PXN: variants seen among roughly 807,000 people sequenced by gnomAD.
PXN encodes the protein paxillin.
Under a neutral mutation model 103.6 loss-of-function variants are expected in PXN, and 61 were observed. That is an observed-to-expected ratio of 0.59 (90% CI 0.48 to 0.73). The LOEUF (loss-of-function observed/expected upper bound fraction) is 0.73. Ranked by LOEUF, PXN falls within the 30% of genes least tolerant of loss-of-function variation. The probability of loss-of-function intolerance (pLI) is 0.00; values close to 1 mark genes in which losing one functional copy is unlikely to be tolerated. For synonymous variants in PXN, 562 were observed against 607.8 expected, an observed-to-expected ratio of 0.92 and a Z score of 1.11; for missense variants, 1,274 against 1,460.3, an observed-to-expected ratio of 0.87 and a Z score of 2.08.
intron 1 of PXN, among the ~76,000 whole-genome samples, chr12:120,237,424 A>C (rs1351594415): frequency 6.6e-6 from 1 of 152,146 alleles, no homozygotes; most frequent in African/African-American, 2.4e-5. Context: ...AATAAACTGA[A>C]GTGGGTTCAA....
Position 120,214,185 on chromosome 12 carries a change from G to C in PXN, c.2781C>G (p.His927Gln). The C allele has an allele frequency of 1.9e-6, 3 of 1,552,130 alleles. No individual in the cohort carries two copies. The change falls in exon 13 of 15, where the codon CAC becomes CAG. Residue 927 changes from histidine (H) to glutamine (Q), a missense_variant. Around this residue, in one of 2 missense-constraint regions of PXN, gnomAD observed 1,178 missense variants for 1,309.0 expected, o/e 0.90. Transcript: ENST00000637617. This position sits in a 1 kb window ranked among gnomAD's most constrained non-coding sequence, Gnocchi z 5.0. ...KVVTALDRTW[H>Q]PEHFFCAQCG... ...ACTGTGCACAGAAGAAGTGTTCAGG[G>C]TGCCACGTCCGGTCAAGGGCTGTCA...
At chr12:120,236,536 G>A (rs1470203216) in intron 1 of PXN, among the ~76,000 whole-genome samples, 1 of 149,046 alleles carries the variant, frequency 6.7e-6, no homozygotes, top group Non-Finnish European at 1.5e-5. Flanking sequence ...GGCGTACAGT[G>A]GCGCCATCTC....
In PXN at chr12:120,219,664, G is replaced by A. The variant is rs772516405; in HGVS notation, c.1259C>T (p.Pro420Leu). The change falls in exon 7 of 15, where the codon CCA (proline) becomes CTA (leucine). Residue 420 changes from proline to leucine, a missense_variant. Transcript: ENST00000637617. This position sits in a 1 kb window ranked among gnomAD's most constrained non-coding sequence, Gnocchi z 6.5. ...ALQEPGEPQG[P>L]PASPSCPEEA... ...CTCTGGGCACGAAGGGCTGGCTGGT[G>A]GCCCCTGGGGCTCCCCAGGCTCTTG... 1.9e-6 allele frequency: 3 copies of A among 1,585,336 alleles called. No homozygotes were observed. The East Asian group carries it at 6.8e-5, about 36-fold the overall frequency.
Position 120,216,605 on chromosome 12 carries a change from G to C in PXN, c.1993-24C>G. The stretch of plus-strand genomic sequence containing the variant: ...ACCTGGGGAGAAGAAAGGAGGGAGA[G>C]CGATGAGGAAGAAATCGCCAGCTCA... On this transcript the variant is annotated intron_variant, in intron 8 of 14. Transcript: ENST00000637617. This position sits in a 1 kb window ranked among gnomAD's most constrained non-coding sequence, Gnocchi z 5.1. The C allele has an allele frequency of 6.7e-7, 1 of 1,485,688 alleles. No homozygotes were observed. Among genetic ancestry groups the C allele is most frequent in the Non-Finnish European group, 8.8e-7 (1 of 1,132,616 alleles). 92.0% of individuals were successfully genotyped at this position (1,485,688 alleles called of 1,614,324 possible).
At chr12:120,238,199 C>T (rs1249149659) in intron 1 of PXN, among the ~76,000 whole-genome samples, 1 of 152,198 alleles carries the variant, frequency 6.6e-6, no homozygotes, top group Non-Finnish European at 1.5e-5. Context: ...TCTGGGCTTT[C>T]AGTCTGGCTA....
chr12:120,212,238 C>G lies in PXN; in HGVS notation c.*76G>C, dbSNP rs1263067474. Reference sequence around the variant, plus strand: ...TCAGTCGGGTTTACCCCTTCACCCCCGGGTGAAGTCTCTAGGTCACAGTCG... The same window carrying G: ...TCAGTCGGGTTTACCCCTTCACCCCGGGGTGAAGTCTCTAGGTCACAGTCG... On this transcript the variant is annotated 3_prime_UTR_variant, in exon 15 of 15. Transcript: ENST00000637617. The surrounding 1 kb of genome is among the most constrained non-coding windows in gnomAD (Gnocchi z 7.2). The G allele has an allele frequency of 6.5e-7, 1 of 1,537,560 alleles. No homozygotes were observed. Among genetic ancestry groups the G allele is most frequent in the South Asian group, 1.2e-5 (1 of 83,138 alleles).
chr12:120,222,506 G>A lies in PXN; in HGVS notation c.695+43C>T. 6.5e-7 allele frequency: 1 copy of A among 1,543,482 alleles called. No individual in the cohort carries two copies. Among genetic ancestry groups the A allele is most frequent in the South Asian group, 1.2e-5 (1 of 83,368 alleles). On this transcript the variant is annotated intron_variant, in intron 5 of 14. Transcript: ENST00000637617. The surrounding 1 kb of genome is among the most constrained non-coding windows in gnomAD (Gnocchi z 4.7). ...CAGACACTGGACCCGGGGCAGGCTG[G>A]GCCAGCCCTTCCCCACCTGGGGAGG...
Position 120,217,139 on chromosome 12 carries a change from C to T in PXN, c.1717-23G>A. The T allele has an allele frequency of 6.5e-7, 1 of 1,543,394 alleles. No homozygotes were observed. The highest frequency in any genetic ancestry group is 8.7e-7 in the Non-Finnish European group (1 of 1,143,764). The stretch of plus-strand genomic sequence containing the variant: ...GATCTAGGGGGAGGGGGAGGGGAGG[C>T]TGTCACCGTCCCACTCCCAGCTTGC... On this transcript the variant is annotated intron_variant, in intron 7 of 14. Transcript: ENST00000637617. This position sits in a 1 kb window ranked among gnomAD's most constrained non-coding sequence, Gnocchi z 4.1.
chr12:120,252,696 C>A (rs745801382), intron 1 of PXN, among the ~76,000 whole-genome samples: 2 of 152,080 alleles, frequency 1.3e-5, no homozygotes, highest in Non-Finnish European at 2.9e-5. Context: ...AAGTGAGACC[C>A]AATGTAGGCA....
Position 120,221,169 on chromosome 12 carries a change from G to A in PXN, c.831+454C>T, listed in dbSNP as rs1885037077. ...ATTCAGGATCAGAGGCAGAAAGAAA[G>A]AGGATGTGTTGAGGACAGCTAGCGT... On this transcript the variant is annotated intron_variant, in intron 6 of 14. Transcript: ENST00000637617. The surrounding 1 kb of genome is among the most constrained non-coding windows in gnomAD (Gnocchi z 6.6). 6.6e-6 allele frequency among the ~76,000 whole-genome samples: 1 copy of A among 152,206 alleles called. No homozygotes were observed. Among genetic ancestry groups the A allele is most frequent in the Admixed American group, 6.5e-5 (1 of 15,284 alleles).
chr12:120,220,115 G>A lies in PXN; in HGVS notation c.832-24C>T. 1.1e-6 allele frequency: 1 copy of A among 931,602 alleles called. No individual in the cohort carries two copies. The highest frequency in any genetic ancestry group is 1.6e-6 in the Non-Finnish European group (1 of 634,402). 57.7% of individuals were successfully genotyped at this position (931,602 alleles called of 1,614,324 possible). On this transcript the variant is annotated intron_variant, in intron 6 of 14. Coordinates refer to ENST00000637617, the MANE Select transcript of PXN (RefSeq NM_001385981.1). The surrounding 1 kb of genome is among the most constrained non-coding windows in gnomAD (Gnocchi z 6.1). Reference sequence around the variant, plus strand: ...GTCTGGAGAAGAGAGAAATGCAGAGGGGAGAGGAGAGAGAGAGATGAGGGG... The same window carrying A: ...GTCTGGAGAAGAGAGAAATGCAGAGAGGAGAGGAGAGAGAGAGATGAGGGG...
chr12:120,262,807 G>C (rs1475819364), intron 1 of PXN, among the ~76,000 whole-genome samples: 2 of 152,120 alleles, frequency 1.3e-5, no homozygotes, highest in African/African-American at 4.8e-5. Context: ...AGCGAACTCT[G>C]GGCCAAACCA....
rs550709833 is a variant in PXN, at chr12:120,253,719, T to A, written c.13+11898A>T. On this transcript the variant is annotated intron_variant, in intron 1 of 14. Transcript: ENST00000637617. ...AAATAATTAAAATGTGGTTTATACA[T>A]CCATTGTATATAGATACAGTGAATT... Among the ~76,000 whole-genome samples the A allele has an allele frequency of 2.0e-5, 3 of 152,244 alleles. No individual in the cohort carries two copies. The East Asian group carries it at 5.8e-4, about 29-fold the overall frequency.
chr12:120,254,620 G>A (rs187849836), intron 1 of PXN, among the ~76,000 whole-genome samples: 3 of 151,352 alleles, frequency 2.0e-5, no homozygotes, highest in South Asian at 2.1e-4. Flanking sequence ...GTGTGATCTC[G>A]GCTCACTGCA....
chr12:120,233,145 A>C (rs1030557675), intron 1 of PXN, among the ~76,000 whole-genome samples: 1 of 152,168 alleles, frequency 6.6e-6, no homozygotes, highest in Admixed American at 6.5e-5. Flanking sequence ...GGGTTCTCCC[A>C]ATCTAACGCT....
rs774605261 is a variant in PXN, at chr12:120,222,854, C to T, written c.493+9G>A. ...CCTGGTAGACCCTGCCCCAGGGACC[C>T]GGTCCTACCTGCAGGGAAGCCTGGC... On this transcript the variant is annotated intron_variant, in intron 4 of 14. Coordinates refer to ENST00000637617, the MANE Select transcript of PXN (RefSeq NM_001385981.1). The surrounding 1 kb of genome is among the most constrained non-coding windows in gnomAD (Gnocchi z 4.7). The T allele has an allele frequency of 1.9e-5, 30 of 1,612,994 alleles. No individual in the cohort carries two copies. The Middle Eastern group carries it at 1.8e-3, about 97-fold the overall frequency.
intron 1 of PXN, chr12:120,227,095 G>A: frequency 3.0e-6 from 3 of 986,154 alleles, no homozygotes; most frequent in South Asian, 4.6e-5. Flanking sequence ...GGTAGAATAT[G>A]AGCAAACCAT....
At position 120,265,116 on chromosome 12, in the gene PXN, G is replaced by A. The variant is rs3890165; in HGVS notation, c.13+501C>T. ...GGGGGGTGCTAGTCTGTGAAGTGGG[G>A]GGCGGCCCTGGAGGGACGGGGAGCA... On this transcript the variant is annotated intron_variant, in intron 1 of 14. Coordinates refer to ENST00000637617, the MANE Select transcript of PXN (RefSeq NM_001385981.1). This position sits in a 1 kb window ranked among gnomAD's most constrained non-coding sequence, Gnocchi z 5.7. 0.15 allele frequency among the ~76,000 whole-genome samples: 22,997 copies of A among 151,784 alleles called. 2,057 individuals are homozygous for A. The highest frequency in any genetic ancestry group is 0.46 in the East Asian group (2,333 of 5,088).
intron 1 of PXN, chr12:120,226,983 T>C: frequency 2.0e-6 from 2 of 987,958 alleles, no homozygotes; most frequent in South Asian, 9.1e-5. Flanking sequence ...ACATCAGATC[T>C]GATTTGCTCT....
Sources: gnomAD v4.1 joint callset for allele counts (sites outside exome capture counted in the v4.1 genomes callset) on GRCh38, gnomAD v4.1.1 for gene constraint, gnomAD v4.1.1 regional missense constraint, Gnocchi (gnomAD v3.1) non-coding constraint, MANE v1.5 for transcripts, NCBI Gene and HGNC (gene_info 2026-07-23, HGNC 2026-07-21) for gene names.